Variants in MAGT1 observed in about 807,000 individuals in gnomAD.
MAGT1 encodes the protein dolichyl-diphosphooligosaccharide--protein glycosyltransferase subunit MAGT1.
Under a neutral mutation model 28.4 loss-of-function variants are expected in MAGT1, and 4 were observed. The ratio of observed to expected loss-of-function variants is 0.14; its 90% CI spans 0.07 to 0.32. The LOEUF is 0.32. MAGT1 is among the 10% of genes least tolerant of loss of function. The probability of loss-of-function intolerance (pLI) is 1.00; values close to 1 mark genes in which losing one functional copy is unlikely to be tolerated. For synonymous variants in MAGT1, 89 were observed against 89.7 expected (o/e 0.99, Z 0.04); for missense variants, 193 against 264.5 (o/e 0.73, Z 1.88).
chrX:77,876,233 C>G (rs1279719960), intron 1 of MAGT1, among the ~76,000 whole-genome samples: 13 of 91,795 alleles, frequency 1.4e-4, no homozygotes, highest in African/African-American at 5.0e-4. Context: ...TCTTGAACTC[C>G]TGGGCTCACA....
chrX:77,887,403 T>G (rs1164921908), intron 1 of MAGT1, among the ~76,000 whole-genome samples: 2 of 111,936 alleles, frequency 1.8e-5, no homozygotes, highest in Non-Finnish European at 3.8e-5. Context: ...TGGCCAGGAA[T>G]TTCTTCAAAT....
chrX:77,851,897 G>A (rs1021944878), intron 7 of MAGT1, among the ~76,000 whole-genome samples: 2 of 106,915 alleles, frequency 1.9e-5, no homozygotes, highest in Non-Finnish European at 3.9e-5. Flanking sequence ...GTCTTCCCCC[G>A]CCCCGCCGCC....
chrX:77,841,580 A>G (rs2076934784), intron 7 of MAGT1, among the ~76,000 whole-genome samples: 1 of 111,945 alleles, frequency 8.9e-6, no homozygotes, highest in Non-Finnish European at 1.9e-5. Context: ...CATAACTTAC[A>G]GATGAAATAT....
At chrX:77,886,916 G>A (rs1196238838) in intron 1 of MAGT1, among the ~76,000 whole-genome samples, 4 of 111,662 alleles carry the variant, frequency 3.6e-5, no homozygotes, top group Admixed American at 2.9e-4. Flanking sequence ...ACAGGAAAAA[G>A]CATGCCATTT....
At chrX:77,879,138 C>A (rs782792956) in intron 1 of MAGT1, among the ~76,000 whole-genome samples, 2 of 111,542 alleles carry the variant, frequency 1.8e-5, no homozygotes, top group East Asian at 5.7e-4. Flanking sequence ...CTCACTGCAA[C>A]CTCCCCCTGC....
chrX:77,860,641 G>A (rs947493857), intron 3 of MAGT1, among the ~76,000 whole-genome samples: 1 of 109,974 alleles, frequency 9.1e-6, no homozygotes, highest in African/African-American at 3.3e-5. Context: ...AATTAGCCAG[G>A]TGTGGTGGCG....
chrX:77,869,155 A>ACGGG (rs1274663087), intron 3 of MAGT1, among the ~76,000 whole-genome samples: 1 of 110,822 alleles, frequency 9.0e-6, no homozygotes, highest in Non-Finnish European at 1.9e-5. Flanking sequence ...AGTTGGGATT[A>ACGGG]CGGGCGCCCG....
At chrX:77,889,373 TA>T (rs2077075762) in intron 1 of MAGT1, among the ~76,000 whole-genome samples, 1 of 102,425 alleles carries the variant, frequency 9.8e-6, no homozygotes, top group Non-Finnish European at 2.0e-5. Flanking sequence ...TATATATATA[TA>T]TATTTTTTTT....
At chrX:77,894,185 A>C (rs1178098052) in intron 1 of MAGT1, among the ~76,000 whole-genome samples, 4 of 112,052 alleles carry the variant, frequency 3.6e-5, no homozygotes, top group African/African-American at 1.3e-4. Flanking sequence ...GATCCTCCCA[A>C]AGAAGGACAT....
rs1219276589 is a variant in MAGT1, at chrX:77,829,143, A to G, written c.*77T>C. On this transcript the variant is annotated 3_prime_UTR_variant, in exon 10 of 10. Transcript: ENST00000618282. ...AGGTAATACAAAATATACAAGTTGC[A>G]TTCTTCTTTTCAAACACACACGATT... 1 of 853,351 alleles carries G rather than the reference A, an allele frequency of 1.2e-6. No homozygotes were observed. Among genetic ancestry groups the G allele is most frequent in the East Asian group, 3.1e-5 (1 of 31,972 alleles). 70.3% of individuals were successfully genotyped at this position (853,351 alleles called of 1,213,427 possible).
intron 1 of MAGT1, among the ~76,000 whole-genome samples, chrX:77,884,789 A>G (rs1557218832): frequency 1.0e-5 from 1 of 97,819 alleles, no homozygotes; most frequent in Non-Finnish European, 2.1e-5. Context: ...TATTGTTCTT[A>G]AAAAAAAAAA....
At position 77,856,848 on chromosome X, in the gene MAGT1, T is replaced by C; in HGVS notation, c.557A>G (p.Tyr186Cys). ...CAATCCCAACATAAGGGGACCAGCA[T>C]AATTTGGGGGTCTAATCACTCTAAT... is the stretch of plus-strand genomic sequence containing the variant. ...VNIRVIRPPN[Y>C]AGPLMLGLLL... is the part of the protein sequence containing the mutation. The change falls in exon 5 of 10, where the codon TAT becomes TGT. Residue 186 changes from tyrosine to cysteine, a missense_variant. Coordinates refer to ENST00000618282, the MANE Select transcript of MAGT1 (RefSeq NM_001367916.1). The C allele has an allele frequency of 8.3e-7, 1 of 1,208,172 alleles. No individual in the cohort carries two copies. Among genetic ancestry groups the C allele is most frequent in the Non-Finnish European group, 1.1e-6 (1 of 892,759 alleles).
At chrX:77,837,803 C>T (rs905462924) in intron 8 of MAGT1, among the ~76,000 whole-genome samples, 12 of 111,420 alleles carry the variant, frequency 1.1e-4, no homozygotes, top group East Asian at 2.8e-4. Context: ...AGTGCAGTAG[C>T]GCGATCTCGG....
intron 1 of MAGT1, among the ~76,000 whole-genome samples, chrX:77,891,315 C>CATCTATTT (rs2077081650): frequency 1.1e-5 from 1 of 90,460 alleles, no homozygotes; most frequent in Non-Finnish European, 2.2e-5. Flanking sequence ...TCAGTTCCCT[C>CATCTATTT]ATCTATCTAT....
chrX:77,855,776 ATT>A (rs375126195), intron 5 of MAGT1, among the ~76,000 whole-genome samples, 186 bp from the exon 6 acceptor site: 1 of 104,435 alleles, frequency 9.6e-6, no homozygotes, highest in African/African-American at 3.5e-5. Context: ...GGAAAACACT[ATT>A]TTTTTTTTTT....
At chrX:77,863,404 A>ACTCGGGAG (rs1199873920) in intron 3 of MAGT1, among the ~76,000 whole-genome samples, 1 of 105,646 alleles carries the variant, frequency 9.5e-6, no homozygotes, top group African/African-American at 3.5e-5. Context: ...AGTCCCAGCT[A>ACTCGGGAG]CTCGGGAGGC....
chrX:77,876,148 ATATATATATATATATATTTTTT>A (rs1408204736), intron 1 of MAGT1, among the ~76,000 whole-genome samples: 1 of 29,218 alleles, frequency 3.4e-5, no homozygotes, highest in Non-Finnish European at 6.3e-5. Context: ...ATATATATAT[ATATATATATATATATATTTTTT>A]TTTTTTTTTT....
chrX:77,840,881 A>G (rs1308509998), intron 8 of MAGT1, among the ~76,000 whole-genome samples: 5 of 112,182 alleles, frequency 4.5e-5, no homozygotes, highest in Admixed American at 3.8e-4. Flanking sequence ...GTTTAAAATT[A>G]TGTATATAGA....
At chrX:77,843,995 T>C (rs2076943001) in intron 7 of MAGT1, among the ~76,000 whole-genome samples, 1 of 111,925 alleles carries the variant, frequency 8.9e-6, no homozygotes, top group Non-Finnish European at 1.9e-5. Flanking sequence ...TCTTTTTCTA[T>C]TGATTGGAAT....
Sources: allele counts gnomAD v4.1 joint callset (sites outside exome capture counted in the v4.1 genomes callset), GRCh38; gene constraint gnomAD v4.1.1; transcripts MANE v1.5; gene names NCBI Gene and HGNC (gene_info 2026-07-23, HGNC 2026-07-21).